The following HCFC1 variants were observed in gnomAD, a reference collection of about 807,000 sequenced individuals.
HCFC1 encodes the protein host cell factor C1.
Under a neutral mutation model 105.5 loss-of-function variants are expected in HCFC1, and 7 were observed. The ratio of observed to expected loss-of-function variants is 0.07; its 90% CI spans 0.04 to 0.12. The LOEUF (loss-of-function observed/expected upper bound fraction) is 0.12, where lower values mean the gene tolerates loss of function less well. HCFC1 is among the 10% of genes least tolerant of loss of function. HCFC1 has a pLI of 1.00. For synonymous variants in HCFC1, 918 were observed against 828.1 expected, an observed-to-expected ratio of 1.11 and a Z score of -1.86; for missense variants, 1,065 against 1,823.6, an observed-to-expected ratio of 0.58 and a Z score of 7.58.
At chrX:153,956,107 G>T in intron 16 of HCFC1, 84 bp downstream of exon 16, 3 of 901,145 alleles carry the variant, frequency 3.3e-6, no homozygotes, top group Non-Finnish European at 4.8e-6. Context: ...GGAAGGAAAG[G>T]CCTGTGGACG....
chrX:153,969,914 C>A (rs1466381936), intron 1 of HCFC1: 3 of 112,753 alleles, frequency 2.7e-5, no homozygotes, highest in Non-Finnish European at 5.6e-5. Flanking sequence ...GGAGAAGGGG[C>A]GACTTGGAAA....
At position 153,964,088 on chromosome X, in the gene HCFC1, A is replaced by C. The variant is rs782222280; in HGVS notation, c.503+36T>G. ...GCCCTGTGCATGTGAGAGCACACCC[A>C]CCCGGGGGGTTCCAGAGAAAAGGAC... On this transcript the variant is annotated intron_variant, in intron 3 of 25. Coordinates refer to ENST00000310441, the MANE Select transcript of HCFC1 (RefSeq NM_005334.3). The C allele has an allele frequency of 2.6e-6, 3 of 1,160,219 alleles. No individual in the cohort carries two copies. The South Asian group carries it at 5.8e-5, about 23-fold the overall frequency.
intron 25 of HCFC1, 26 bp downstream of exon 25, chrX:153,949,527 G>A (rs781835751): frequency 8.3e-7 from 1 of 1,199,773 alleles, no homozygotes; most frequent in Admixed American, 2.2e-5. Flanking sequence ...GTCTCAGAAG[G>A]TTCCCGAGAG....
In HCFC1 at chrX:153,949,014, G is replaced by C. The variant is rs781801756; in HGVS notation, c.*333C>G. The C allele has an allele frequency of 6.1e-6, 1 of 162,754 alleles. No individual in the cohort carries two copies. The highest frequency in any genetic ancestry group is 1.2e-5 in the Non-Finnish European group (1 of 85,851). The allele number at this position is 162,754 out of a possible 1,213,427, so 13.4% of individuals were successfully genotyped here. ...TGCCCCCGACCTGGCCCTCAGGAAC[G>C]CACAGCCTTGGGAGGGCGGAGCTGG... On this transcript the variant is annotated 3_prime_UTR_variant, in exon 26 of 26. Coordinates refer to ENST00000310441, the MANE Select transcript of HCFC1 (RefSeq NM_005334.3).
rs944049731 is a variant in HCFC1 at position 153,949,066 on chromosome X, C to T, written c.*281G>A. On this transcript the variant is annotated 3_prime_UTR_variant, in exon 26 of 26. Coordinates refer to ENST00000310441, the MANE Select transcript of HCFC1 (RefSeq NM_005334.3). Reference sequence around the variant, plus strand: ...TGTCCTCAGCTCCGCCTTCCCTCCCCGCAAAAGTCTCTCCCCAGGGTGGGC... The same window carrying T: ...TGTCCTCAGCTCCGCCTTCCCTCCCTGCAAAAGTCTCTCCCCAGGGTGGGC... 7 of 253,282 alleles carry T rather than the reference C, an allele frequency of 2.8e-5. No individual in the cohort carries two copies. The highest frequency in any genetic ancestry group is 1.1e-4 in the African/African-American group (4 of 35,018). 20.9% of individuals were successfully genotyped at this position (253,282 alleles called of 1,213,427 possible).
chrX:153,956,227 C>T lies in HCFC1; in HGVS notation c.2820G>A (p.Ala940=), dbSNP rs374523714. The T allele has an allele frequency of 2.3e-5, 28 of 1,211,142 alleles. No individual in the cohort carries two copies. The African/African-American group carries it at 2.8e-4, about 12-fold the overall frequency. The change falls in exon 16 of 26, where the codon GCG becomes GCA. Residue 940 remains alanine, a synonymous_variant. Transcript: ENST00000310441. The part of the protein sequence containing the change: ...TVSAAQTTLT[A]AGGLTTPTIT... Reference sequence around the variant, plus strand: ...TGGTTGGGGTTGTGAGCCCGCCTGCCGCTGTCAGCGTGGTCTGTGCGGCCG... The same window carrying T: ...TGGTTGGGGTTGTGAGCCCGCCTGCTGCTGTCAGCGTGGTCTGTGCGGCCG...
intron 6 of HCFC1, 133 bp downstream of exon 6, chrX:153,961,409 G>A: frequency 2.2e-6 from 1 of 456,135 alleles, no homozygotes; most frequent in South Asian, 3.3e-5. Context: ...CTGCCCACTG[G>A]ATCCTTCCAG....
chrX:153,965,547 G>T (rs782819966), intron 1 of HCFC1, among the ~76,000 whole-genome samples: 9 of 112,723 alleles, frequency 8.0e-5, no homozygotes, highest in Non-Finnish European at 1.7e-4. Flanking sequence ...CCTATGAGGG[G>T]TCCCTCAGAG....
In HCFC1 at chrX:153,949,316, G is replaced by A. The variant is rs782341884; in HGVS notation, c.*31C>T. The stretch of plus-strand genomic sequence containing the variant: ...GGTGTTCCTGAAGCAGGGGGGTCTG[G>A]AGAAGAATCCAGGGGCTAGTCAGCT... On this transcript the variant is annotated 3_prime_UTR_variant, in exon 26 of 26. Coordinates refer to ENST00000310441, the MANE Select transcript of HCFC1 (RefSeq NM_005334.3). The A allele has an allele frequency of 1.2e-5, 14 of 1,180,898 alleles. No individual in the cohort carries two copies. Among genetic ancestry groups the A allele is most frequent in the Non-Finnish European group, 1.6e-5 (14 of 871,748 alleles).
chrX:153,971,087 T>A lies in HCFC1; in HGVS notation c.-247A>T. On this transcript the variant is annotated 5_prime_UTR_variant, in exon 1 of 26. Transcript: ENST00000310441. The stretch of plus-strand genomic sequence containing the variant: ...TGTCGAGCGCCTAGGCTCAAGAAGC[T>A]GGAGGCCGCTGAGTCCCGTCGCCCC... The A allele has an allele frequency of 2.8e-6, 1 of 356,370 alleles. No individual in the cohort carries two copies. The allele number at this position is 356,370 out of a possible 1,213,427, so 29.4% of individuals were successfully genotyped here.
intron 1 of HCFC1, among the ~76,000 whole-genome samples, chrX:153,968,541 G>T (rs782164595): frequency 4.1e-4 from 46 of 112,585 alleles, no homozygotes; most frequent in African/African-American, 1.5e-3. Context: ...TTTCCAAACT[G>T]CTACCCTGGA....
Position 153,956,351 on chromosome X carries a change from C to T in HCFC1, c.2696G>A (p.Gly899Asp), listed in dbSNP as rs1315563550. ...TVSTSLAGAG[G>D]HSTSASLATP... ...GGCCAGGGAAGCACTAGTGCTGTGGCCCCCCGCCCCGGCAAGGCTGGTGGA... is the reference window on the plus strand; with the variant it reads ...GGCCAGGGAAGCACTAGTGCTGTGGTCCCCCGCCCCGGCAAGGCTGGTGGA... The change falls in exon 16 of 26, where the codon GGC becomes GAC. Residue 899 changes from glycine to aspartate, a missense_variant. By Grantham distance (94) the Gly-to-Asp change is moderately conservative (BLOSUM62 -1). Coordinates refer to ENST00000310441, the MANE Select transcript of HCFC1 (RefSeq NM_005334.3). 2.5e-6 allele frequency: 3 copies of T among 1,210,689 alleles called. No individual in the cohort carries two copies. Among genetic ancestry groups the T allele is most frequent in the African/African-American group, 3.5e-5 (2 of 57,475 alleles).
chrX:153,949,469 G>A (rs1162576860), intron 25 of HCFC1, 83 bp from the exon 26 acceptor site: 26 of 1,144,444 alleles, frequency 2.3e-5, no homozygotes, highest in Middle Eastern at 2.4e-4. Context: ...CCGGTTAGGG[G>A]CCCCCAGTCA....
intron 16 of HCFC1, 56 bp downstream of exon 16, chrX:153,956,135 G>C (rs781911199): frequency 9.4e-7 from 1 of 1,068,375 alleles, no homozygotes; most frequent in African/African-American, 1.8e-5. Flanking sequence ...TGAGCCTCAC[G>C]TGCTTCCACT....
intron 10 of HCFC1, 80 bp downstream of exon 10, chrX:153,958,489 G>A (rs782279580): frequency 1.2e-4 from 116 of 943,205 alleles, no homozygotes; most frequent in Non-Finnish European, 1.6e-4. Context: ...TGCAGCCCAC[G>A]GTCCAACGGC....
rs1557113924 is a variant in HCFC1 at position 153,954,595 on chromosome X, G to A, written c.3804C>T (p.Thr1268=). 3 of 1,208,572 alleles carry A rather than the reference G, an allele frequency of 2.5e-6. No homozygotes were observed. The highest frequency in any genetic ancestry group is 3.4e-6 in the Non-Finnish European group (3 of 893,978). ...CESLQGGSPS[T]TVTVTALEAL... ...CCTCCAGGGCTGTCACAGTCACTGT[G>A]GTGCTGGGCGAGCCACCCTGGAGGC... The change falls in exon 17 of 26, where the codon ACC becomes ACT. Residue 1268 remains threonine, a synonymous_variant. Transcript: ENST00000310441.
In HCFC1 at chrX:153,964,237, G is replaced by A. The variant is rs1557117782; in HGVS notation, c.390C>T (p.Asn130=). The A allele has an allele frequency of 1.8e-5, 22 of 1,201,442 alleles. No individual in the cohort carries two copies. Among genetic ancestry groups the A allele is most frequent in the Non-Finnish European group, 2.0e-5 (18 of 889,396 alleles). The change falls in exon 3 of 26, where the codon AAC becomes AAT. Residue 130 remains asparagine, a synonymous_variant. Transcript: ENST00000310441. ...CGAGTCGAGGACACGGAGGGGGCCCGTTTTTGGGCGTCTTTGCTTTGAGTC... is the reference window on the plus strand; with the variant it reads ...CGAGTCGAGGACACGGAGGGGGCCCATTTTTGGGCGTCTTTGCTTTGAGTC... ...WKRLKAKTPK[N]GPPPCPRLGH...
At chrX:153,952,439 C>T in intron 19 of HCFC1, 75 bp downstream of exon 19, 1 of 1,040,444 alleles carries the variant, frequency 9.6e-7, no homozygotes, top group Non-Finnish European at 1.3e-6. Context: ...AAATGGGCTC[C>T]TCTTCCCAGG....
chrX:153,962,213 G>C lies in HCFC1; in HGVS notation c.797+9C>G, dbSNP rs1557117174. 2.5e-6 allele frequency: 3 copies of C among 1,191,734 alleles called. No homozygotes were observed. Among genetic ancestry groups the C allele is most frequent in the African/African-American group, 3.5e-5 (2 of 57,041 alleles). On this transcript the variant is annotated intron_variant, in intron 5 of 25. Coordinates refer to ENST00000310441, the MANE Select transcript of HCFC1 (RefSeq NM_005334.3). Reference sequence around the variant, plus strand: ...TAGAGAAGAGAGACGCAGGTGAGCAGCCACTTACTTATTTCCGATGGTGGT... The same window carrying C: ...TAGAGAAGAGAGACGCAGGTGAGCACCCACTTACTTATTTCCGATGGTGGT...
Sources: allele counts gnomAD v4.1 joint callset (sites outside exome capture counted in the v4.1 genomes callset), GRCh38; gene constraint gnomAD v4.1.1; transcripts MANE v1.5; gene names NCBI Gene and HGNC (gene_info 2026-07-23, HGNC 2026-07-21).